The following NABP2 variants were observed in gnomAD, a reference collection of about 807,000 sequenced individuals.
NABP2 encodes the protein SOSS complex subunit B1.
NABP2 carries 7 observed loss-of-function variants against 22.7 expected under a neutral mutation model. The observed-to-expected ratio is 0.31, with a 90% CI of 0.18 to 0.58. NABP2 has a LOEUF of 0.58. NABP2 is among the 20% of genes least tolerant of loss of function. The probability of loss-of-function intolerance (pLI) is 0.89; values close to 1 mark genes in which losing one functional copy is unlikely to be tolerated. For missense variants in NABP2, 188 were observed against 265.9 expected, an observed-to-expected ratio of 0.71 and a Z score of 2.04; for synonymous variants, 107 against 99.2, an observed-to-expected ratio of 1.08 and a Z score of -0.47.
chr12:56,223,253 G>C (rs1009201414), upstream of NABP2, among the ~76,000 whole-genome samples: 9 of 151,916 alleles, frequency 5.9e-5, no homozygotes, highest in Admixed American at 2.0e-4. Context: ...GGGTGGAGCG[G>C]TGGGGCGGGG....
rs1330343326 is a variant in NABP2 at position 56,229,140 on chromosome 12, C to T, written c.563C>T (p.Pro188Leu). The stretch of plus-strand genomic sequence containing the variant: ...ACTCGAAGCCAGCCCAACCACACAC[C>T]TGCAGGCCCGCCTGGCCCTTCCAGC... The part of the protein sequence containing the change: ...RITRSQPNHT[P>L]AGPPGPSSNP... The change falls in exon 7 of 7, where the codon CCT becomes CTT. Residue 188 changes from proline to leucine, a missense_variant. Transcript: ENST00000267023. 4 of 1,610,874 alleles carry T rather than the reference C, an allele frequency of 2.5e-6. No homozygotes were observed. Among genetic ancestry groups the T allele is most frequent in the Non-Finnish European group, 2.5e-6 (3 of 1,179,142 alleles).
chr12:56,227,183 A>G (rs1869812826), intron 6 of NABP2, among the ~76,000 whole-genome samples: 1 of 151,632 alleles, frequency 6.6e-6, no homozygotes, highest in Non-Finnish European at 1.5e-5. Context: ...AAGACCAGCC[A>G]TGGCCAACGT....
chr12:56,224,806 G>A lies in NABP2; in HGVS notation c.-23-28G>A, dbSNP rs376949460. 1.1e-5 allele frequency: 18 copies of A among 1,584,254 alleles called. No homozygotes were observed. The African/African-American group carries it at 2.0e-4, about 18-fold the overall frequency. On this transcript the variant is annotated intron_variant, in intron 1 of 6. Transcript: ENST00000267023. The stretch of plus-strand genomic sequence containing the variant: ...CATGGGGGCAAAGGATCCAAGCATT[G>A]AGCCTTCATCCTCTATTCCCCATCC...
chr12:56,227,592 G>A (rs1269189849), intron 6 of NABP2, among the ~76,000 whole-genome samples: 2 of 152,172 alleles, frequency 1.3e-5, no homozygotes, highest in African/African-American at 4.8e-5. Flanking sequence ...TAAGTTCAAT[G>A]ACAGTGGTAT....
chr12:56,228,471 CT>C (rs1292616207), intron 6 of NABP2, among the ~76,000 whole-genome samples: 3 of 151,654 alleles, frequency 2.0e-5, no homozygotes, highest in Non-Finnish European at 2.9e-5. Context: ...ACTGCAACCT[CT>C]GCCTCCCAGG....
chr12:56,224,417 T>C lies in NABP2; in HGVS notation c.-48T>C. 1 of 1,007,410 alleles carries C rather than the reference T, an allele frequency of 9.9e-7. No homozygotes were observed. Among genetic ancestry groups the C allele is most frequent in the Middle Eastern group, 3.2e-4 (1 of 3,158 alleles). The allele number at this position is 1,007,410 out of a possible 1,614,324, so 62.4% of individuals were successfully genotyped here. On this transcript the variant is annotated 5_prime_UTR_variant, in exon 1 of 7. Transcript: ENST00000267023. The stretch of plus-strand genomic sequence containing the variant: ...TCCCCCTGCGGGCTGCTCAGCGGCG[T>C]GCACAGTCCTGCCGGCTGGCTTGGG...
At chr12:56,222,660 C>A (rs1869550772), upstream of NABP2, among the ~76,000 whole-genome samples, 1 of 152,084 alleles carries the variant, frequency 6.6e-6, no homozygotes. Flanking sequence ...TAAAGAGCTC[C>A]GTGAGCAGAT....
At chr12:56,223,789 T>A (rs956307940), upstream of NABP2, 1 of 152,208 alleles carries the variant, frequency 6.6e-6, no homozygotes, top group Non-Finnish European at 1.5e-5. Context: ...ACTTCCGTTT[T>A]CTCGTAAGAT....
At chr12:56,222,634 AAG>A, upstream of NABP2, among the ~76,000 whole-genome samples, 1 of 152,212 alleles carries the variant, frequency 6.6e-6, no homozygotes, top group Non-Finnish European at 1.5e-5. Flanking sequence ...GATCCAAGGG[AAG>A]TCAATGTGGA....
At position 56,225,728 on chromosome 12, in the gene NABP2, GCA is replaced by G. The variant is rs927579023; in HGVS notation, c.290+35_290+36del. 12 of 1,610,114 alleles carry G rather than the reference GCA, an allele frequency of 7.5e-6. No individual in the cohort carries two copies. The African/African-American group carries it at 1.5e-4, about 20-fold the overall frequency. ...CTGTCTTGGGGATTGGGATGAAGAA[GCA>G]CCAGGGCAAAGGGGTTTGCAAGGAG... On this transcript the variant is annotated intron_variant, in intron 4 of 6. Coordinates refer to ENST00000267023, the MANE Select transcript of NABP2 (RefSeq NM_024068.4).
chr12:56,228,319 G>A (rs780116998), intron 6 of NABP2, among the ~76,000 whole-genome samples: 9 of 150,594 alleles, frequency 6.0e-5, no homozygotes, highest in Non-Finnish European at 1.2e-4. Flanking sequence ...ATATTTTAAC[G>A]CAGAGACTTC....
chr12:56,229,522 G>T lies in NABP2; in HGVS notation c.*309G>T. 5.8e-6 allele frequency: 2 copies of T among 343,950 alleles called. No homozygotes were observed. The highest frequency in any genetic ancestry group is 5.7e-5 in the South Asian group (2 of 35,310). The allele number at this position is 343,950 out of a possible 1,614,324, so 21.3% of individuals were successfully genotyped here. A position where few individuals can be genotyped will look rare whatever the true frequency, so the allele number is the denominator to read the frequency against. ...AGCCGAGGTGGGCGGATCACCTGAG[G>T]TCGGGAGTTCAAGACCAGCCTGACC... is the stretch of plus-strand genomic sequence containing the variant. On this transcript the variant is annotated 3_prime_UTR_variant, in exon 7 of 7. Coordinates refer to ENST00000267023, the MANE Select transcript of NABP2 (RefSeq NM_024068.4).
At chr12:56,225,221 C>T in intron 2 of NABP2, 152 bp from the exon 3 acceptor site, 2 of 1,068,768 alleles carry the variant, frequency 1.9e-6, no homozygotes, top group Non-Finnish European at 2.8e-6. Flanking sequence ...ACCCCTTCCA[C>T]AATCCCAACC....
In NABP2 at chr12:56,224,413, G is replaced by A. The variant is rs1215720421; in HGVS notation, c.-52G>A. 24 of 1,005,268 alleles carry A rather than the reference G, an allele frequency of 2.4e-5. No individual in the cohort carries two copies. In the Admixed American group the frequency reaches 1.2e-3, roughly 49 times the overall value. The allele number at this position is 1,005,268 out of a possible 1,614,324, so 62.3% of individuals were successfully genotyped here. ...TGGCTCCCCCTGCGGGCTGCTCAGC[G>A]GCGTGCACAGTCCTGCCGGCTGGCT... On this transcript the variant is annotated 5_prime_UTR_variant, in exon 1 of 7. Coordinates refer to ENST00000267023, the MANE Select transcript of NABP2 (RefSeq NM_024068.4).
At chr12:56,225,095 G>A (rs558420111) in intron 2 of NABP2, among the ~76,000 whole-genome samples, 160 bp downstream of exon 2, 1 of 152,052 alleles carries the variant, frequency 6.6e-6, no homozygotes, top group Non-Finnish European at 1.5e-5. Flanking sequence ...TTGCAGTCAG[G>A]TATAGGGTAG....
rs1391839301 is a variant in NABP2, at chr12:56,229,240, A to T, written c.*27A>T. ...ATGACATTCTTTCTTCCTGCCACCA[A>T]CCACATCCCAAGTGTCCCCTGGAGA... On this transcript the variant is annotated 3_prime_UTR_variant, in exon 7 of 7. Transcript: ENST00000267023. 6.2e-7 allele frequency: 1 copy of T among 1,610,942 alleles called. No individual in the cohort carries two copies. Among genetic ancestry groups the T allele is most frequent in the Middle Eastern group, 2.2e-4 (1 of 4,488 alleles).
intron 6 of NABP2, among the ~76,000 whole-genome samples, chr12:56,226,868 T>G (rs1302819897): frequency 6.6e-6 from 1 of 150,938 alleles, no homozygotes; most frequent in Non-Finnish European, 1.5e-5. Flanking sequence ...GGATCACAGG[T>G]GCACGCCACC....
intron 1 of NABP2, 50 bp from the exon 2 acceptor site, chr12:56,224,784 G>A (rs1869682343): frequency 1.3e-6 from 2 of 1,517,212 alleles, no homozygotes; most frequent in East Asian, 2.3e-5. Flanking sequence ...AGTGGAGCAT[G>A]GGGGCAAAGG....
At chr12:56,225,717 G>A (rs1440201527) in intron 4 of NABP2, 22 bp downstream of exon 4, 1 of 1,613,584 alleles carries the variant, frequency 6.2e-7, no homozygotes, top group African/African-American at 1.3e-5. Context: ...CTTGGGGATT[G>A]GGATGAAGAA....
Sources: allele counts gnomAD v4.1 joint callset (sites outside exome capture counted in the v4.1 genomes callset), GRCh38; gene constraint gnomAD v4.1.1; transcripts MANE v1.5; gene names NCBI Gene and HGNC (gene_info 2026-07-23, HGNC 2026-07-21).